The following TMEM245 variants were observed in gnomAD, a reference collection of about 807,000 sequenced individuals.
TMEM245 encodes the protein transmembrane protein 245.
In TMEM245, 69 loss-of-function variants were observed where a neutral mutation model predicts 101.2. That is an observed-to-expected ratio of 0.68 (90% CI 0.56 to 0.83). TMEM245 has a LOEUF of 0.83. Among genes scored for constraint, TMEM245 ranks in the 40% least tolerant of loss-of-function variants. The pLI is 0.00. For synonymous variants in TMEM245, 537 were observed against 449.8 expected (o/e 1.19, Z -2.45); for missense variants, 1,075 against 1,092.8 (o/e 0.98, Z 0.23).
chr9:109,088,022 G>A (rs1829890998), intron 5 of TMEM245, among the ~76,000 whole-genome samples: 1 of 152,208 alleles, frequency 6.6e-6, no homozygotes, highest in Non-Finnish European at 1.5e-5. Context: ...GGGCAGTGAA[G>A]TGGCTCTTTA....
At chr9:109,064,326 T>C in intron 10 of TMEM245, 151 bp downstream of exon 10, 1 of 672,812 alleles carries the variant, frequency 1.5e-6, no homozygotes, top group Non-Finnish European at 2.5e-6. Flanking sequence ...ATGTGATCTT[T>C]CAAAAGATTT....
intron 15 of TMEM245, 70 bp from the exon 16 acceptor site, chr9:109,036,450 GCAGTAGCTCCTCCTCAA>G: frequency 7.2e-7 from 1 of 1,389,852 alleles, no homozygotes; most frequent in Non-Finnish European, 9.5e-7. Context: ...AAGAATCTAA[GCAGTAGCTCCTCCTCAA>G]CAACTTCCAA....
intron 9 of TMEM245, among the ~76,000 whole-genome samples, chr9:109,069,509 C>A (rs1829267023): frequency 6.6e-6 from 1 of 152,154 alleles, no homozygotes; most frequent in African/African-American, 2.4e-5. Flanking sequence ...GAAGACCTCA[C>A]TTCTTACTTC....
At chr9:109,021,798 GCAC>G in intron 17 of TMEM245, among the ~76,000 whole-genome samples, 1 of 152,168 alleles carries the variant, frequency 6.6e-6, no homozygotes, top group Admixed American at 6.5e-5. Flanking sequence ...ATGAGACCCT[GCAC>G]CACCACCACC....
At chr9:109,065,383 G>A (rs1466372285) in intron 9 of TMEM245, among the ~76,000 whole-genome samples, 2 of 38,342 alleles carry the variant, frequency 5.2e-5, no homozygotes, top group African/African-American at 2.5e-4. Flanking sequence ...AACAAACCCT[G>A]CAGGTGATAC....
At chr9:109,048,386 A>C (rs1260936290) in intron 14 of TMEM245, among the ~76,000 whole-genome samples, 1 of 152,248 alleles carries the variant, frequency 6.6e-6, no homozygotes, top group East Asian at 1.9e-4. Flanking sequence ...CTATTACATG[A>C]ACACAGTGAA....
At chr9:109,066,929 G>A (rs1178968118) in intron 9 of TMEM245, among the ~76,000 whole-genome samples, 3 of 151,752 alleles carry the variant, frequency 2.0e-5, no homozygotes, top group African/African-American at 7.3e-5. Context: ...GTTGGTGTGC[G>A]CCTGTAGTCC....
intron 3 of TMEM245, among the ~76,000 whole-genome samples, chr9:109,101,019 T>G (rs941384888): frequency 6.6e-6 from 1 of 151,780 alleles, no homozygotes; most frequent in Non-Finnish European, 1.5e-5. Context: ...GAGGCGGAGG[T>G]GGGAGCACTG....
At chr9:109,116,534 T>C (rs1266658378) in intron 1 of TMEM245, among the ~76,000 whole-genome samples, 5 of 145,976 alleles carry the variant, frequency 3.4e-5, no homozygotes, top group Admixed American at 1.3e-4. Flanking sequence ...CAGCACTTTT[T>C]TTTTTCTTTT....
rs756982391 is a variant in TMEM245 at position 109,050,359 on chromosome 9, C to T, written c.2047G>A (p.Val683Met). The T allele has an allele frequency of 6.2e-6, 10 of 1,613,932 alleles. No individual in the cohort carries two copies. The Admixed American group carries it at 1.2e-4, about 19-fold the overall frequency. The change falls in exon 14 of 18, where the codon GTG becomes ATG. Residue 683 changes from valine to methionine, a missense_variant. By Grantham distance (21) the Val-to-Met change is conservative. Transcript: ENST00000374586. The stretch of plus-strand genomic sequence containing the variant: ...TGAGATAGTGGAGTCAGGCTTATCA[C>T]CCACTTCACTGGCTTGTAGTACTCA... ...SDEYYKPVKW[V>M]ISLTPLSQPG...
chr9:109,063,213 G>T (rs1361838406), intron 10 of TMEM245, among the ~76,000 whole-genome samples: 1 of 148,456 alleles, frequency 6.7e-6, no homozygotes, highest in African/African-American at 2.5e-5. Context: ...TCTGCCTCCC[G>T]AGTTCAAGTG....
rs578237985 is a variant in TMEM245, at chr9:109,017,949, G to A, written c.*2511C>T. ...TCCTTATGCCGTTGCTGTAGCAATG[G>A]GGCAGGTCAAGTTTCCTGATCATAG... On this transcript the variant is annotated 3_prime_UTR_variant, in exon 18 of 18. Coordinates refer to ENST00000374586, the MANE Select transcript of TMEM245 (RefSeq NM_032012.4). 1 of 152,286 alleles carries A rather than the reference G, an allele frequency of 6.6e-6. No homozygotes were observed. Among genetic ancestry groups the A allele is most frequent in the Admixed American group, 6.5e-5 (1 of 15,296 alleles). 9.4% of individuals were successfully genotyped at this position (152,286 alleles called of 1,614,324 possible).
At chr9:109,115,678 G>A (rs1003426756) in intron 1 of TMEM245, among the ~76,000 whole-genome samples, 3 of 150,982 alleles carry the variant, frequency 2.0e-5, no homozygotes, top group African/African-American at 4.9e-5. Context: ...TTATGGAGTC[G>A]GCCGTCACAC....
chr9:109,075,234 T>C (rs1304484695), intron 8 of TMEM245, among the ~76,000 whole-genome samples: 1 of 152,186 alleles, frequency 6.6e-6, no homozygotes, highest in Non-Finnish European at 1.5e-5. Context: ...CTCACATAGA[T>C]ATATTTTCCT....
intron 1 of TMEM245, among the ~76,000 whole-genome samples, chr9:109,117,308 G>A (rs961944767): frequency 2.0e-5 from 3 of 151,784 alleles, no homozygotes; most frequent in Non-Finnish European, 2.9e-5. Flanking sequence ...GGTAGAGACG[G>A]GGTTTCACCA....
Position 109,080,819 on chromosome 9 carries a change from T to C in TMEM245, c.1449+20A>G. The C allele has an allele frequency of 1.4e-6, 2 of 1,420,738 alleles. No individual in the cohort carries two copies. The highest frequency in any genetic ancestry group is 9.8e-7 in the Non-Finnish European group (1 of 1,015,972). 88.0% of individuals were successfully genotyped at this position (1,420,738 alleles called of 1,614,324 possible). A position where few individuals can be genotyped will look rare whatever the true frequency, so the allele number is the denominator to read the frequency against. On this transcript the variant is annotated intron_variant, in intron 8 of 17. Coordinates refer to ENST00000374586, the MANE Select transcript of TMEM245 (RefSeq NM_032012.4). ...ACAATTAAGGGTTTATTAATGAGAA[T>C]AATAATCACTGTACTCTACCTTTGC...
At chr9:109,076,488 A>C (rs1829509614) in intron 8 of TMEM245, among the ~76,000 whole-genome samples, 1 of 152,028 alleles carries the variant, frequency 6.6e-6, no homozygotes, top group African/African-American at 2.4e-5. Context: ...TATGTAACAA[A>C]CCTGCACGTT....
chr9:109,097,734 CATGGTGAAACCCCGTCTCTATTAAAAAT>C (rs1204346199), intron 3 of TMEM245, among the ~76,000 whole-genome samples: 1 of 152,106 alleles, frequency 6.6e-6, no homozygotes, highest in Non-Finnish European at 1.5e-5. Flanking sequence ...GCCTGGCCAA[CATGGTGAAACCCCGTCTCTATTAAAAAT>C]ACAAAAAAAT....
At chr9:109,042,415 C>A (rs1828339375) in intron 14 of TMEM245, 1 of 152,244 alleles carries the variant, frequency 6.6e-6, no homozygotes, top group African/African-American at 2.4e-5. Context: ...GCAGTGAGAG[C>A]AGAGAGGGAA....
Sources: allele counts gnomAD v4.1 joint callset (sites outside exome capture counted in the v4.1 genomes callset), GRCh38; gene constraint gnomAD v4.1.1; transcripts MANE v1.5; gene names NCBI Gene and HGNC (gene_info 2026-07-23, HGNC 2026-07-21).